Variants in SLC12A7 observed in about 807,000 individuals in gnomAD.
The protein encoded by SLC12A7 is K-Cl cotransporter 4.
SLC12A7 carries 100 observed loss-of-function variants against 120.6 expected under a neutral mutation model. That is an observed-to-expected ratio of 0.83 (90% CI 0.71 to 0.98). The LOEUF (loss-of-function observed/expected upper bound fraction) is 0.98, where lower values mean the gene tolerates loss of function less well. Among genes scored for constraint, SLC12A7 ranks in the 50% least tolerant of loss-of-function variants. The pLI, the probability that SLC12A7 is intolerant of heterozygous loss-of-function variation, is 0.00. For missense variants in SLC12A7, 1,373 were observed against 1,548.1 expected (o/e 0.89, Z 1.90); for synonymous variants, 760 against 678.0 (o/e 1.12, Z -1.88).
chr5:1,127,762 T>G, the SLC12A7 span, among the ~76,000 whole-genome samples: 8 of 152,216 alleles, frequency 5.3e-5, no homozygotes, highest in Non-Finnish European at 8.8e-5. Context: ...ACATAAAACC[T>G]TCAGGGCCAC....
chr5:1,145,038 G>A, the SLC12A7 span, among the ~76,000 whole-genome samples: 1 of 152,274 alleles, frequency 6.6e-6, no homozygotes, highest in Non-Finnish European at 1.5e-5. The surrounding 1 kb of genome is among the most constrained non-coding windows in gnomAD (Gnocchi z 4.4). Flanking sequence ...GAAGGAGCAT[G>A]TGCTGTCGGC....
intron 18 of SLC12A7, 65 bp from the exon 19 acceptor site, chr5:1,064,317 G>C: frequency 1.3e-6 from 2 of 1,544,322 alleles, no homozygotes; most frequent in Non-Finnish European, 1.7e-6. Flanking sequence ...CCTCCCCGGG[G>C]ACTCACAGCC....
the SLC12A7 span, among the ~76,000 whole-genome samples, chr5:1,134,637 T>C: frequency 6.6e-6 from 1 of 152,086 alleles, no homozygotes; most frequent in African/African-American, 2.4e-5. Context: ...GTTAATAGAA[T>C]GACCCTCTGA....
chr5:1,100,660 G>A (rs1741924876), intron 1 of SLC12A7, among the ~76,000 whole-genome samples: 1 of 152,214 alleles, frequency 6.6e-6, no homozygotes, highest in South Asian at 2.1e-4. Flanking sequence ...CATGCAGGGA[G>A]GGCGCCTGTC....
intron 2 of SLC12A7, 41 bp from the exon 3 acceptor site, chr5:1,093,696 C>A: frequency 6.2e-7 from 1 of 1,605,550 alleles, no homozygotes. Context: ...CCGCACCTCG[C>A]CGTGGGCCCC....
intron 3 of SLC12A7, among the ~76,000 whole-genome samples, chr5:1,090,802 C>T (rs183992791): frequency 2.0e-4 from 30 of 152,344 alleles, no homozygotes; most frequent in African/African-American, 6.5e-4. Context: ...AGGGCATGGC[C>T]GGCCTTGGCC....
chr5:1,078,818 T>TG, intron 10 of SLC12A7, 60 bp from the exon 11 acceptor site: 1 of 42,118 alleles, frequency 2.4e-5, no homozygotes, highest in Non-Finnish European at 4.2e-5. Context: ...GTACGGGGGG[T>TG]GGGGTGGGGT....
chr5:1,098,054 TGCCCTCTCTAACCTTCTGCACACCCAGCC>T (rs1741478242), intron 1 of SLC12A7, among the ~76,000 whole-genome samples: 1 of 151,470 alleles, frequency 6.6e-6, no homozygotes, highest in Non-Finnish European at 1.5e-5. Flanking sequence ...AAAAATCCAA[TGCCCTCTCTAACCTTCTGCACACCCAGCC>T]GCCCCCTCCA....
chr5:1,125,458 CAT>C, the SLC12A7 span, among the ~76,000 whole-genome samples: 1 of 152,104 alleles, frequency 6.6e-6, no homozygotes, highest in African/African-American at 2.4e-5. Flanking sequence ...GGCGTGTCAA[CAT>C]GTTAGAAATT....
At chr5:1,086,809 T>A in intron 6 of SLC12A7, 94 bp downstream of exon 6, 1 of 1,513,034 alleles carries the variant, frequency 6.6e-7, no homozygotes, top group East Asian at 2.3e-5. Flanking sequence ...GATGGCTCAG[T>A]GTGCTGTGTG....
chr5:1,107,819 G>A (rs557184651), intron 1 of SLC12A7, among the ~76,000 whole-genome samples: 6 of 152,272 alleles, frequency 3.9e-5, no homozygotes, highest in South Asian at 4.1e-4. Context: ...CTGAGTCCAC[G>A]AGGCAAAGGT....
intron 13 of SLC12A7, 50 bp downstream of exon 13, chr5:1,076,644 G>A (rs371277085): frequency 2.6e-5 from 36 of 1,394,718 alleles, no homozygotes; most frequent in Middle Eastern, 2.3e-4. Context: ...ACTGCCCCAC[G>A]CTCCAGGCCC....
At chr5:1,116,301 C>T (rs542441911), upstream of SLC12A7, among the ~76,000 whole-genome samples, 6 of 152,318 alleles carry the variant, frequency 3.9e-5, no homozygotes, top group African/African-American at 9.6e-5. Context: ...TTGCCCAGGG[C>T]GGGGCCTCTG....
In SLC12A7 at chr5:1,064,205, T is replaced by A; in HGVS notation, c.2485A>T (p.Lys829Ter). 6.2e-7 allele frequency: 1 copy of A among 1,612,322 alleles called. No individual in the cohort carries two copies. The highest frequency in any genetic ancestry group is 8.5e-7 in the Non-Finnish European group (1 of 1,179,652). ...TTTTGCGGAAACGAGTCGACGTTCT[T>A]GGCCACCAGCAGAGCCTGGTGCGCG... ...TAAHQALLVA[K>*]NVDSFPQNQE... Residue 829 changes from lysine to a stop codon, truncating the protein, a stop_gained, in exon 19 of 24, where the codon AAG (lysine) becomes TAG (stop). Coordinates refer to ENST00000264930, the MANE Select transcript of SLC12A7 (RefSeq NM_006598.3). LOFTEE classifies it high-confidence loss of function.
Position 1,083,803 on chromosome 5 carries a change from G to A in SLC12A7, c.1071C>T (p.Ile357=). The A allele has an allele frequency of 6.2e-7, 1 of 1,612,306 alleles. No individual in the cohort carries two copies. Among genetic ancestry groups the A allele is most frequent in the Non-Finnish European group, 8.5e-7 (1 of 1,179,556 alleles). ...QPSAACDEYF[I]QNNVTEIQGI... ...CCTGGATTTCGGTGACGTTGTTCTGGATGAAGTACTCGTCACAGGCGGCGC... is the reference window on the plus strand; with the variant it reads ...CCTGGATTTCGGTGACGTTGTTCTGAATGAAGTACTCGTCACAGGCGGCGC... Residue 357 remains isoleucine (I), a synonymous_variant, in exon 8 of 24, where the codon ATC becomes ATT. Transcript: ENST00000264930.
In SLC12A7 at chr5:1,088,323, G is replaced by T; in HGVS notation, c.527C>A (p.Thr176Asn). ...CCCCTTACCTGGGACCACACCGTTGGTAGCGATCGCACTCATGGAAATGGC... is the reference window on the plus strand; with the variant it reads ...CCCCTTACCTGGGACCACACCGTTGTTAGCGATCGCACTCATGGAAATGGC... ...LTAISMSAIA[T>N]NGVVPAGGSY... The change falls in exon 5 of 24, where the codon ACC becomes AAC. Residue 176 changes from threonine (T) to asparagine (N), a missense_variant. Physicochemically the swap from Thr to Asn is moderately conservative, Grantham distance 65 (BLOSUM62 0). Transcript: ENST00000264930. 2 of 1,587,270 alleles carry T rather than the reference G, an allele frequency of 1.3e-6. No individual in the cohort carries two copies. The highest frequency in any genetic ancestry group is 1.7e-6 in the Non-Finnish European group (2 of 1,167,494).
chr5:1,083,889 T>C lies in SLC12A7; in HGVS notation c.985A>G (p.Ile329Val). 2 of 1,608,548 alleles carry C rather than the reference T, an allele frequency of 1.2e-6. No homozygotes were observed. The highest frequency in any genetic ancestry group is 1.7e-6 in the Non-Finnish European group (2 of 1,178,732). Residue 329 changes from isoleucine (I) to valine (V), a missense_variant, in exon 8 of 24, where the codon ATC (isoleucine) becomes GTC (valine). By Grantham distance (29) the Ile-to-Val change is conservative (BLOSUM62 3). Coordinates refer to ENST00000264930, the MANE Select transcript of SLC12A7 (RefSeq NM_006598.3). ...SFDACVKAYG[I>V]HNNSATSALW... ...GCGGAGGTGGCTGAGTTGTTGTGGATGCCGTAGGCCTTGACGCAGGCATCG... is the reference window on the plus strand; with the variant it reads ...GCGGAGGTGGCTGAGTTGTTGTGGACGCCGTAGGCCTTGACGCAGGCATCG...
the SLC12A7 span, among the ~76,000 whole-genome samples, chr5:1,142,115 G>A: frequency 6.6e-6 from 1 of 150,924 alleles, no homozygotes; most frequent in African/African-American, 2.4e-5. Flanking sequence ...GCACTGGGCC[G>A]CAGTCAGTTC....
chr5:1,096,855 AGGGAGGGATGAAGGGAGGG>A (rs1741293300), intron 1 of SLC12A7, among the ~76,000 whole-genome samples: 1 of 61,338 alleles, frequency 1.6e-5, no homozygotes, highest in African/African-American at 6.3e-5. Context: ...GGAAGGAGGG[AGGGAGGGATGAAGGGAGGG>A]AGGGAGGGAA....
Sources: gnomAD v4.1 joint callset for allele counts (sites outside exome capture counted in the v4.1 genomes callset) on GRCh38, gnomAD v4.1.1 for gene constraint, Gnocchi (gnomAD v3.1) non-coding constraint, MANE v1.5 for transcripts, NCBI Gene and HGNC (gene_info 2026-07-23, HGNC 2026-07-21) for gene names.